Variants in CDC14A observed in about 807,000 individuals in gnomAD.
The protein encoded by CDC14A is cell division cycle 14A.
Under a neutral mutation model 74.4 loss-of-function variants are expected in CDC14A, and 53 were observed. The observed-to-expected ratio is 0.71, with a 90% CI of 0.57 to 0.89. The LOEUF (loss-of-function observed/expected upper bound fraction) is 0.89, where lower values mean the gene tolerates loss of function less well. CDC14A is among the 40% of genes least tolerant of loss of function. The pLI is 0.00. For synonymous variants in CDC14A, 247 were observed against 258.4 expected, an observed-to-expected ratio of 0.96 and a Z score of 0.43; for missense variants, 646 against 713.7, an observed-to-expected ratio of 0.91 and a Z score of 1.08.
Position 100,411,296 on chromosome 1 carries a change from A to G in CDC14A, c.310-12926A>G, listed in dbSNP as rs533123946. Among the ~76,000 whole-genome samples, 6 of 151,870 alleles carry G rather than the reference A, an allele frequency of 4.0e-5. No homozygotes were observed. In the South Asian group the frequency reaches 1.3e-3, roughly 32 times the overall value. On this transcript the variant is annotated intron_variant, in intron 4 of 15. Coordinates refer to ENST00000336454, the MANE Select transcript of CDC14A (RefSeq NM_003672.4). ...TAACCGCTTACCTCTTTTCTCCTCTATCACTCTTTCTTGTTGTCTCTGTGT... is the reference window on the plus strand; with the variant it reads ...TAACCGCTTACCTCTTTTCTCCTCTGTCACTCTTTCTTGTTGTCTCTGTGT...
At chr1:100,453,482 ATTAAT>A (rs1557775481) in intron 7 of CDC14A, among the ~76,000 whole-genome samples, 2 of 152,200 alleles carry the variant, frequency 1.3e-5, no homozygotes, top group Admixed American at 6.5e-5. Context: ...ATATTGGATA[ATTAAT>A]TTGAGACTTT....
At chr1:100,461,018 G>C (rs1667262673) in intron 8 of CDC14A, among the ~76,000 whole-genome samples, 1 of 152,192 alleles carries the variant, frequency 6.6e-6, no homozygotes, top group Admixed American at 6.5e-5. Flanking sequence ...CAAACATAAA[G>C]CATTTAATAC....
At chr1:100,369,401 A>C (rs1654114262) in intron 2 of CDC14A, among the ~76,000 whole-genome samples, 1 of 152,128 alleles carries the variant, frequency 6.6e-6, no homozygotes, top group Non-Finnish European at 1.5e-5. Context: ...GCCACTGCCT[A>C]GCCTTGACTT....
At position 100,475,996 on chromosome 1, in the gene CDC14A, A is replaced by T. The variant is rs994275783; in HGVS notation, c.977+7902A>T. 3.3e-5 allele frequency among the ~76,000 whole-genome samples: 5 copies of T among 152,284 alleles called. 1 individual carries two copies. In the South Asian group the frequency reaches 1.0e-3, roughly 32 times the overall value. ...TAGCCTGGCAGCGTGGAAATCCAGG[A>T]TCCCCTCTCAGTCTTTGCTGGCTGG... On this transcript the variant is annotated intron_variant, in intron 10 of 15. Transcript: ENST00000336454.
intron 4 of CDC14A, among the ~76,000 whole-genome samples, chr1:100,411,216 C>T (rs1207457479): frequency 6.6e-6 from 1 of 152,198 alleles, no homozygotes. Context: ...CCTCTACCTT[C>T]GCAGCCCTCA....
intron 2 of CDC14A, among the ~76,000 whole-genome samples, chr1:100,367,611 A>G (rs578027816): frequency 6.6e-6 from 1 of 152,318 alleles, no homozygotes; most frequent in African/African-American, 2.4e-5. Flanking sequence ...TGACCTTAAG[A>G]TAAGATAGAG....
At chr1:100,462,925 G>T in intron 9 of CDC14A, 44 bp downstream of exon 9, 1 of 1,444,580 alleles carries the variant, frequency 6.9e-7, no homozygotes, top group Admixed American at 1.7e-5. Flanking sequence ...TTATCGAAGG[G>T]GCGGGCCAAG....
Position 100,377,591 on chromosome 1 carries a change from A to G in CDC14A, c.186A>G (p.Arg62=). 1 of 1,613,362 alleles carries G rather than the reference A, an allele frequency of 6.2e-7. No homozygotes were observed. Among genetic ancestry groups the G allele is most frequent in the Non-Finnish European group, 8.5e-7 (1 of 1,179,438 alleles). Reference sequence around the variant, plus strand: ...CGCTGAACTTGGCAATGGTGTACAGATATTGCTGCAAACTAAACAAGAAAC... The same window carrying G: ...CGCTGAACTTGGCAATGGTGTACAGGTATTGCTGCAAACTAAACAAGAAAC... The part of the protein sequence containing the change: ...FGPLNLAMVY[R]YCCKLNKKLK... The change falls in exon 3 of 16, where the codon AGA becomes AGG. Residue 62 remains arginine, a synonymous_variant. Coordinates refer to ENST00000336454, the MANE Select transcript of CDC14A (RefSeq NM_003672.4).
intron 7 of CDC14A, among the ~76,000 whole-genome samples, chr1:100,449,780 G>T (rs1467476854): frequency 4.6e-5 from 7 of 152,112 alleles, no homozygotes; most frequent in Admixed American, 3.3e-4. Context: ...CATTATTTGT[G>T]GAATGAAAGA....
chr1:100,482,766 A>C (rs909087361), intron 10 of CDC14A, among the ~76,000 whole-genome samples: 4 of 151,152 alleles, frequency 2.6e-5, no homozygotes, highest in Non-Finnish European at 5.9e-5. Context: ...TTTTCAACCT[A>C]TCTCTCTCTC....
intron 15 of CDC14A, among the ~76,000 whole-genome samples, chr1:100,502,061 TAAAAC>T (rs1223126801): frequency 1.3e-5 from 2 of 152,136 alleles, no homozygotes; most frequent in Non-Finnish European, 1.5e-5. Flanking sequence ...AGTCAAAAGT[TAAAAC>T]AATTAAGTTT....
chr1:100,473,409 G>A (rs1013478509), intron 10 of CDC14A, among the ~76,000 whole-genome samples: 3 of 150,782 alleles, frequency 2.0e-5, no homozygotes, highest in East Asian at 1.9e-4. Flanking sequence ...TTTTTGAGAC[G>A]GTGTTTCACT....
In CDC14A at chr1:100,434,866, T is replaced by A. The variant is rs74697994; in HGVS notation, c.390-5066T>A. Reference sequence around the variant, plus strand: ...CTATTTTTGAAGCTTTAAGAAGGAGTTTGTGCTAGAGAGATTTGAGGGTCA... The same window carrying A: ...CTATTTTTGAAGCTTTAAGAAGGAGATTGTGCTAGAGAGATTTGAGGGTCA... On this transcript the variant is annotated intron_variant, in intron 5 of 15. Coordinates refer to ENST00000336454, the MANE Select transcript of CDC14A (RefSeq NM_003672.4). 5.3e-5 allele frequency among the ~76,000 whole-genome samples: 8 copies of A among 151,932 alleles called. No individual in the cohort carries two copies. The East Asian group carries it at 1.4e-3, about 26-fold the overall frequency.
intron 15 of CDC14A, among the ~76,000 whole-genome samples, chr1:100,510,291 T>G (rs1211269934): frequency 6.6e-6 from 1 of 152,236 alleles, no homozygotes; most frequent in East Asian, 1.9e-4. Context: ...TCCATTATCT[T>G]ATTTATTTAA....
chr1:100,469,822 A>G (rs1482109255), intron 10 of CDC14A, among the ~76,000 whole-genome samples: 2 of 152,164 alleles, frequency 1.3e-5, no homozygotes, highest in East Asian at 3.9e-4. Flanking sequence ...TCATGGCTGC[A>G]TACTCCCTCC....
chr1:100,511,090 T>TGTTC (rs200277650), intron 15 of CDC14A, among the ~76,000 whole-genome samples: 1,940 of 152,018 alleles, frequency 0.013, 50 homozygotes, highest in African/African-American at 0.045. Context: ...CTACCTGTAC[T>TGTTC]GTTCTTTCCA....
intron 9 of CDC14A, among the ~76,000 whole-genome samples, chr1:100,467,142 T>C (rs1239549781): frequency 6.6e-6 from 1 of 152,172 alleles, no homozygotes; most frequent in East Asian, 1.9e-4. Flanking sequence ...TTTTAACATT[T>C]CTGAAGTTAG....
intron 13 of CDC14A, among the ~76,000 whole-genome samples, chr1:100,496,317 G>T (rs1055727317): frequency 6.6e-6 from 1 of 151,928 alleles, no homozygotes; most frequent in African/African-American, 2.4e-5. Flanking sequence ...GTGGAGGGGG[G>T]TCTCTAAGAA....
chr1:100,509,572 A>C (rs756774645), intron 15 of CDC14A, among the ~76,000 whole-genome samples: 3 of 152,224 alleles, frequency 2.0e-5, no homozygotes, highest in Non-Finnish European at 4.4e-5. Context: ...CAGATCTTTA[A>C]CTTAGAAAGG....
Sources: gnomAD v4.1 joint callset for allele counts (sites outside exome capture counted in the v4.1 genomes callset) on GRCh38, gnomAD v4.1.1 for gene constraint, MANE v1.5 for transcripts, NCBI Gene and HGNC (gene_info 2026-07-23, HGNC 2026-07-21) for gene names.